Variants in ZNF708 observed in about 807,000 individuals in gnomAD.
ZNF708 encodes the protein zinc finger protein 708.
Under a neutral mutation model 47.0 loss-of-function variants are expected in ZNF708, and 44 were observed. That is an observed-to-expected ratio of 0.94 (90% CI 0.74 to 1.20). The LOEUF is 1.20. ZNF708 is among the 50% of genes most tolerant of loss of function. ZNF708 has a pLI of 0.00. For synonymous variants in ZNF708, 184 were observed against 218.5 expected, an observed-to-expected ratio of 0.84 and a Z score of 1.39; for missense variants, 557 against 656.0, an observed-to-expected ratio of 0.85 and a Z score of 1.65.
chr19:21,297,264 ATATATATTTTTTTTTTT>A (rs1459181573), intron 3 of ZNF708, among the ~76,000 whole-genome samples: 11 of 14,012 alleles, frequency 7.9e-4, no homozygotes, highest in African/African-American at 1.4e-3. Context: ...ATATATATAT[ATATATATTTTTTTTTTT>A]TTTTTTTTTT....
At chr19:21,324,755 A>G (rs889673594) in intron 1 of ZNF708, among the ~76,000 whole-genome samples, 5 of 152,204 alleles carry the variant, frequency 3.3e-5, no homozygotes, top group African/African-American at 1.2e-4. Context: ...ATATGGAAAC[A>G]TGTCTAGGAG....
intron 1 of ZNF708, chr19:21,328,056 A>G: frequency 1.1e-5 from 11 of 984,734 alleles, no homozygotes; most frequent in Non-Finnish European, 1.3e-5. Flanking sequence ...TTTACTCCAG[A>G]CAGTACTGAA....
rs768500201 is a variant in ZNF708, at chr19:21,294,772, T to TTA, written c.227-35_227-34dup. On this transcript the variant is annotated intron_variant, in intron 3 of 3. Transcript: ENST00000356929. ...AAATAAAAATAACAAATTATTCCATTTACTCAACTCAGATTAATATTTACA... is the reference window on the plus strand; with the variant it reads ...AAATAAAAATAACAAATTATTCCATTTATACTCAACTCAGATTAATATTTACA... 27 of 1,527,114 alleles carry TTA rather than the reference T, an allele frequency of 1.8e-5. No homozygotes were observed. The South Asian group carries it at 3.6e-4, about 20-fold the overall frequency. The allele number at this position is 1,527,114 out of a possible 1,614,324, so 94.6% of individuals were successfully genotyped here. A position where few individuals can be genotyped will look rare whatever the true frequency, so the allele number is the denominator to read the frequency against.
Position 21,292,486 on chromosome 19 carries a change from T to G in ZNF708, c.*788A>C, listed in dbSNP as rs557905957. The stretch of plus-strand genomic sequence containing the variant: ...GTTTTGGAAAACTTTTTTTTCAAAT[T>G]TATTACATTTGCAGGGTTTTTCTCC... On this transcript the variant is annotated 3_prime_UTR_variant, in exon 4 of 4. Coordinates refer to ENST00000356929, the MANE Select transcript of ZNF708 (RefSeq NM_021269.3). 1.3e-5 allele frequency: 2 copies of G among 152,358 alleles called. No individual in the cohort carries two copies. The highest frequency in any genetic ancestry group is 1.3e-4 in the Admixed American group (2 of 15,304). 9.4% of individuals were successfully genotyped at this position (152,358 alleles called of 1,614,324 possible). A position where few individuals can be genotyped will look rare whatever the true frequency, so the allele number is the denominator to read the frequency against.
chr19:21,323,568 G>T (rs1022019594), intron 1 of ZNF708, among the ~76,000 whole-genome samples: 1 of 152,068 alleles, frequency 6.6e-6, no homozygotes, highest in African/African-American at 2.4e-5. Context: ...CCTTGTAGTT[G>T]GTACTTCTGT....
intron 1 of ZNF708, among the ~76,000 whole-genome samples, chr19:21,323,543 T>C (rs1973195628): frequency 6.6e-6 from 1 of 152,244 alleles, no homozygotes; most frequent in Non-Finnish European, 1.5e-5. Context: ...GCCTGAACTT[T>C]GCAATTCTTA....
Position 21,293,229 on chromosome 19 carries a change from T to C in ZNF708, c.*45A>G. The C allele has an allele frequency of 6.4e-7, 1 of 1,569,490 alleles. No individual in the cohort carries two copies. Among genetic ancestry groups the C allele is most frequent in the Non-Finnish European group, 8.7e-7 (1 of 1,154,734 alleles). On this transcript the variant is annotated 3_prime_UTR_variant, in exon 4 of 4. Transcript: ENST00000356929. ...GGATTTCTCTCCAGTATGAATTATC[T>C]TGTGTTTTAATAAAAGTTGAAAATA... is the stretch of plus-strand genomic sequence containing the variant.
chr19:21,307,116 AAATAT>A (rs1294361088), intron 3 of ZNF708, among the ~76,000 whole-genome samples: 3 of 145,798 alleles, frequency 2.1e-5, no homozygotes, highest in African/African-American at 5.0e-5. Flanking sequence ...AAATAAAATA[AAATAT>A]AAAATAAAAA....
At chr19:21,299,042 A>G (rs1471197876) in intron 3 of ZNF708, among the ~76,000 whole-genome samples, 1 of 152,198 alleles carries the variant, frequency 6.6e-6, no homozygotes, top group Non-Finnish European at 1.5e-5. Flanking sequence ...TGAAATGGGA[A>G]TAATTGGTAG....
At chr19:21,296,181 A>T (rs1362102479) in intron 3 of ZNF708, among the ~76,000 whole-genome samples, 1 of 152,040 alleles carries the variant, frequency 6.6e-6, no homozygotes, top group East Asian at 1.9e-4. Context: ...GAAAAAAAAA[A>T]AATCTGTCAA....
At chr19:21,303,193 AGTGAGCCAT>A (rs1294829113) in intron 3 of ZNF708, among the ~76,000 whole-genome samples, 5 of 152,190 alleles carry the variant, frequency 3.3e-5, no homozygotes, top group Non-Finnish European at 7.4e-5. Flanking sequence ...TTGAGGCTGC[AGTGAGCCAT>A]GATCATGCCA....
Position 21,292,376 on chromosome 19 carries a change from T to G in ZNF708, c.*898A>C, listed in dbSNP as rs895893851. The G allele has an allele frequency of 6.6e-6, 1 of 152,256 alleles. No individual in the cohort carries two copies. Among genetic ancestry groups the G allele is most frequent in the Non-Finnish European group, 1.5e-5 (1 of 68,056 alleles). The allele number at this position is 152,256 out of a possible 1,614,324, so 9.4% of individuals were successfully genotyped here. A position where few individuals can be genotyped will look rare whatever the true frequency, so the allele number is the denominator to read the frequency against. ...TGAATTCTCTGATATTTACATAGAC[T>G]TATTTTGGATTAAATGTTTTAAATA... On this transcript the variant is annotated 3_prime_UTR_variant, in exon 4 of 4. Coordinates refer to ENST00000356929, the MANE Select transcript of ZNF708 (RefSeq NM_021269.3).
At chr19:21,307,875 A>C (rs1006447384) in intron 3 of ZNF708, among the ~76,000 whole-genome samples, 1 of 152,210 alleles carries the variant, frequency 6.6e-6, no homozygotes, top group African/African-American at 2.4e-5. Flanking sequence ...AAAATACATA[A>C]ACAGTACATT....
In ZNF708 at chr19:21,294,325, T is replaced by A; in HGVS notation, c.641A>T (p.His214Leu). The A allele has an allele frequency of 6.2e-7, 1 of 1,613,218 alleles. No individual in the cohort carries two copies. The highest frequency in any genetic ancestry group is 1.3e-5 in the African/African-American group (1 of 74,998). ...AFKKSSNLTN[H>L]KIIHTGEKPY... ...TTTCTCTCCAGTATGAATTATCTTA[T>A]GATTCGTAAGGTTTGAGGACTTTTT... Residue 214 changes from histidine (H) to leucine (L), a missense_variant, in exon 4 of 4, where the codon CAT becomes CTT. His to Leu is a moderately conservative substitution (Grantham distance 99). Coordinates refer to ENST00000356929, the MANE Select transcript of ZNF708 (RefSeq NM_021269.3).
intron 1 of ZNF708, among the ~76,000 whole-genome samples, chr19:21,315,452 A>G (rs184311777): frequency 6.6e-6 from 1 of 152,308 alleles, no homozygotes; most frequent in Admixed American, 6.5e-5. Context: ...GCAAAGTACA[A>G]TCAAAGGAGA....
At chr19:21,295,265 A>G (rs956709924) in intron 3 of ZNF708, among the ~76,000 whole-genome samples, 1 of 152,232 alleles carries the variant, frequency 6.6e-6, no homozygotes, top group Non-Finnish European at 1.5e-5. Context: ...CTGCAGTACC[A>G]CATACAGGAA....
intron 1 of ZNF708, among the ~76,000 whole-genome samples, chr19:21,323,022 T>C (rs1973183828): frequency 6.6e-6 from 1 of 151,944 alleles, no homozygotes. Flanking sequence ...ATACTGTAGT[T>C]ATATTTACCA....
At position 21,323,799 on chromosome 19, in the gene ZNF708, C is replaced by G. The variant is rs112401972; in HGVS notation, c.3+5411G>C. ...GACTTCTATGGCTGGGGTGAGCAGG[C>G]TGGGATATCTACAGAGGAGACTCCC... On this transcript the variant is annotated intron_variant, in intron 1 of 3. Coordinates refer to ENST00000356929, the MANE Select transcript of ZNF708 (RefSeq NM_021269.3). Among the ~76,000 whole-genome samples the G allele has an allele frequency of 3.0e-3, 456 of 152,232 alleles. 4 individuals are homozygous for G. The highest frequency in any genetic ancestry group is 0.01 in the African/African-American group (419 of 41,534).
At chr19:21,302,750 C>A (rs1191908984) in intron 3 of ZNF708, among the ~76,000 whole-genome samples, 1 of 151,784 alleles carries the variant, frequency 6.6e-6, no homozygotes, top group Non-Finnish European at 1.5e-5. Context: ...TTTATGTAAT[C>A]TCCATTTCTC....
Sources: gnomAD v4.1 joint callset for allele counts (sites outside exome capture counted in the v4.1 genomes callset) on GRCh38, gnomAD v4.1.1 for gene constraint, MANE v1.5 for transcripts, NCBI Gene and HGNC (gene_info 2026-07-23, HGNC 2026-07-21) for gene names.